The following IL1RAPL2 variants were observed in gnomAD, a reference collection of about 807,000 sequenced individuals.
IL1RAPL2 encodes X-linked interleukin-1 receptor accessory protein-like 2.
A neutral mutation model predicts 44.1 loss-of-function variants in IL1RAPL2; 3 were observed. The ratio of observed to expected loss-of-function variants is 0.07; its 90% CI spans 0.03 to 0.18. The LOEUF is 0.18. Ranked by LOEUF, IL1RAPL2 falls within the 10% of genes least tolerant of loss-of-function variation. The pLI is 1.00. For synonymous variants in IL1RAPL2, 181 were observed against 178.8 expected (o/e 1.01, Z -0.10); for missense variants, 391 against 496.4 (o/e 0.79, Z 2.02).
chrX:105,367,684 A>G (rs2147715633), intron 5 of IL1RAPL2, among the ~76,000 whole-genome samples: 1 of 111,628 alleles, frequency 9.0e-6, no homozygotes, highest in Admixed American at 9.6e-5. Flanking sequence ...TGTATCTTTT[A>G]TAGTTTATAT....
chrX:104,706,586 AT>A (rs1263871864), intron 2 of IL1RAPL2, among the ~76,000 whole-genome samples: 1 of 111,801 alleles, frequency 8.9e-6, no homozygotes, highest in Admixed American at 9.5e-5. Flanking sequence ...CTCTCCTCCA[AT>A]TGTGTTTGAT....
chrX:105,373,230 A>G (rs1412355937), intron 5 of IL1RAPL2, among the ~76,000 whole-genome samples: 2 of 112,334 alleles, frequency 1.8e-5, no homozygotes, highest in Non-Finnish European at 3.8e-5. Flanking sequence ...ATGAGATGAA[A>G]TCACATTGTG....
chrX:105,005,879 A>C (rs190454933), intron 2 of IL1RAPL2, among the ~76,000 whole-genome samples: 5 of 111,140 alleles, frequency 4.5e-5, no homozygotes. Context: ...TTACAATATT[A>C]TTCTTTTAAA....
chrX:104,905,451 T>G (rs1431180095), intron 2 of IL1RAPL2, among the ~76,000 whole-genome samples: 1 of 111,970 alleles, frequency 8.9e-6, no homozygotes, highest in Non-Finnish European at 1.9e-5. Flanking sequence ...AACATTTAAG[T>G]CTTTAATCCA....
chrX:105,142,798 C>A (rs1218592169), intron 2 of IL1RAPL2, among the ~76,000 whole-genome samples: 7 of 109,189 alleles, frequency 6.4e-5, no homozygotes, highest in Non-Finnish European at 1.1e-4. Context: ...CCACAACAGT[C>A]CCCAGTGTGT....
At chrX:105,618,132 C>G (rs1322516484) in intron 6 of IL1RAPL2, among the ~76,000 whole-genome samples, 2 of 109,087 alleles carry the variant, frequency 1.8e-5, no homozygotes, top group Non-Finnish European at 1.9e-5. Context: ...CACACACACA[C>G]ACACACACAC....
At chrX:104,783,131 T>C (rs1932782829) in intron 2 of IL1RAPL2, among the ~76,000 whole-genome samples, 1 of 112,036 alleles carries the variant, frequency 8.9e-6, no homozygotes, top group Admixed American at 9.5e-5. Context: ...AATGTTAACA[T>C]AGAAGCAGTA....
intron 7 of IL1RAPL2, among the ~76,000 whole-genome samples, chrX:105,727,200 G>C (rs185220340): frequency 2.7e-5 from 3 of 111,142 alleles, no homozygotes; most frequent in African/African-American, 9.8e-5. Flanking sequence ...ATGAAAATTG[G>C]TCTTAGAAAT....
chrX:105,470,145 G>A (rs904246113), intron 5 of IL1RAPL2, among the ~76,000 whole-genome samples: 36 of 111,397 alleles, frequency 3.2e-4, no homozygotes, highest in Admixed American at 9.6e-5. Flanking sequence ...TGCAATGTTG[G>A]AAGTTGTGAC....
At chrX:104,713,596 T>G (rs1931500893) in intron 2 of IL1RAPL2, among the ~76,000 whole-genome samples, 1 of 110,523 alleles carries the variant, frequency 9.0e-6, no homozygotes, top group African/African-American at 3.3e-5. Flanking sequence ...CATCTTTTTA[T>G]GTGTATATAT....
At chrX:104,668,455 T>A (rs1219691641) in intron 2 of IL1RAPL2, among the ~76,000 whole-genome samples, 1 of 103,051 alleles carries the variant, frequency 9.7e-6, no homozygotes, top group Non-Finnish European at 2.0e-5. Flanking sequence ...TAGGTATATC[T>A]CCTAATGCTA....
intron 2 of IL1RAPL2, among the ~76,000 whole-genome samples, chrX:104,714,637 A>G (rs1209887466): frequency 9.0e-6 from 1 of 111,283 alleles, no homozygotes; most frequent in Non-Finnish European, 1.9e-5. Flanking sequence ...GCAGTGTGAG[A>G]ATGGACTAAT....
intron 2 of IL1RAPL2, among the ~76,000 whole-genome samples, chrX:104,815,323 G>T (rs187290477): frequency 1.4e-4 from 16 of 111,321 alleles, no homozygotes; most frequent in African/African-American, 5.2e-4. Flanking sequence ...GGGCAGGGCT[G>T]CATTCTTTTC....
chrX:105,014,353 G>A (rs778557634), intron 2 of IL1RAPL2, among the ~76,000 whole-genome samples: 1 of 110,711 alleles, frequency 9.0e-6, no homozygotes, highest in Admixed American at 9.6e-5. Flanking sequence ...TGAGATACAT[G>A]TGCAGAACGT....
intron 2 of IL1RAPL2, among the ~76,000 whole-genome samples, chrX:104,887,860 C>A (rs923850305): frequency 2.7e-5 from 3 of 111,754 alleles, no homozygotes; most frequent in Non-Finnish European, 5.6e-5. Flanking sequence ...AGTGATGTAA[C>A]CATACTTGAA....
chrX:104,915,813 T>C (rs1924406443), intron 2 of IL1RAPL2, among the ~76,000 whole-genome samples: 1 of 111,979 alleles, frequency 8.9e-6, no homozygotes, highest in Non-Finnish European at 1.9e-5. Context: ...CAGCACCATT[T>C]ATTAAATAGG....
At chrX:105,678,651 G>A (rs2037895188) in intron 6 of IL1RAPL2, among the ~76,000 whole-genome samples, 1 of 110,123 alleles carries the variant, frequency 9.1e-6, no homozygotes, top group South Asian at 3.8e-4. Flanking sequence ...GATTTTTTTT[G>A]TCTTTTCCTG....
intron 5 of IL1RAPL2, among the ~76,000 whole-genome samples, chrX:105,441,061 T>C (rs2035917331): frequency 1.8e-5 from 2 of 111,824 alleles, no homozygotes; most frequent in Admixed American, 1.9e-4. Context: ...ATTTCTTTAT[T>C]AGCGGCATGA....
chrX:104,630,452 A>AT (rs1849224368), intron 1 of IL1RAPL2, among the ~76,000 whole-genome samples: 1 of 105,604 alleles, frequency 9.5e-6, no homozygotes, highest in South Asian at 4.1e-4. Flanking sequence ...CGGCAGGCTG[A>AT]TTTTTTTGTA....
Sources: gnomAD v4.1 joint callset for allele counts (sites outside exome capture counted in the v4.1 genomes callset) on GRCh38, gnomAD v4.1.1 for gene constraint, MANE v1.5 for transcripts, NCBI Gene and HGNC (gene_info 2026-07-23, HGNC 2026-07-21) for gene names.